GLIS3: variants seen among roughly 807,000 people sequenced by gnomAD.
The protein encoded by GLIS3 is zinc finger protein GLIS3.
A neutral mutation model predicts 78.6 loss-of-function variants in GLIS3; 53 were observed. The observed-to-expected ratio is 0.67, with a 90% CI of 0.54 to 0.85. The LOEUF is 0.85. Ranked by LOEUF, GLIS3 falls within the 40% of genes least tolerant of loss-of-function variation. The pLI, the probability that GLIS3 is intolerant of heterozygous loss-of-function variation, is 0.00. For synonymous variants in GLIS3, 684 were observed against 509.9 expected (o/e 1.34, Z -4.60); for missense variants, 1,703 against 1,231.1 (o/e 1.38, Z -5.74).
chr9:4,211,985 G>A (rs1820418828), intron 2 of GLIS3, among the ~76,000 whole-genome samples: 1 of 152,178 alleles, frequency 6.6e-6, no homozygotes. Context: ...CATAGAGACA[G>A]AAAGTAGATT....
the GLIS3 span, among the ~76,000 whole-genome samples, chr9:4,450,879 C>G: frequency 6.6e-6 from 1 of 152,276 alleles, no homozygotes; most frequent in East Asian, 1.9e-4. Context: ...CAACTGGTAC[C>G]AGACACTGCA....
intron 4 of GLIS3, among the ~76,000 whole-genome samples, chr9:4,091,574 T>C (rs554505278): frequency 2.6e-5 from 4 of 152,236 alleles, no homozygotes; most frequent in South Asian, 2.1e-4. Flanking sequence ...TGTGCAGTCA[T>C]GTGTCGCTTA....
intron 4 of GLIS3, among the ~76,000 whole-genome samples, chr9:4,088,412 T>C (rs1829224966): frequency 6.6e-6 from 1 of 152,260 alleles, no homozygotes; most frequent in Non-Finnish European, 1.5e-5. Context: ...CTCATTTGAT[T>C]AGTGCCCACT....
intron 2 of GLIS3, among the ~76,000 whole-genome samples, chr9:4,260,533 C>T (rs1825415592): frequency 1.3e-5 from 2 of 149,818 alleles, no homozygotes; most frequent in Non-Finnish European, 3.0e-5. Context: ...TGCCACTGAA[C>T]TCCAGCCTGG....
intron 4 of GLIS3, among the ~76,000 whole-genome samples, chr9:4,086,887 G>C (rs558927753): frequency 3.0e-4 from 46 of 152,288 alleles, no homozygotes; most frequent in Admixed American, 2.4e-3. Flanking sequence ...ATTCTCCACA[G>C]TCTAACTGAT....
At chr9:4,103,289 C>A (rs1013021872) in intron 4 of GLIS3, among the ~76,000 whole-genome samples, 1 of 152,150 alleles carries the variant, frequency 6.6e-6, no homozygotes, top group Non-Finnish European at 1.5e-5. Context: ...AGCACAGGAG[C>A]CTTGAACATT....
chr9:4,087,930 T>C (rs1162060165), intron 4 of GLIS3, among the ~76,000 whole-genome samples: 2 of 152,204 alleles, frequency 1.3e-5, no homozygotes, highest in Non-Finnish European at 2.9e-5. Context: ...TCTCGCATTA[T>C]GGTTAGTTAT....
At chr9:4,217,458 T>C (rs1218276564) in intron 2 of GLIS3, among the ~76,000 whole-genome samples, 2 of 152,204 alleles carry the variant, frequency 1.3e-5, no homozygotes, top group Non-Finnish European at 2.9e-5. Context: ...CAGACATTTC[T>C]AAGAGTGAAG....
At chr9:4,116,852 T>C (rs1417764564) in intron 4 of GLIS3, among the ~76,000 whole-genome samples, 2 of 152,322 alleles carry the variant, frequency 1.3e-5, no homozygotes, top group African/African-American at 2.4e-5. Flanking sequence ...ATAAAACACA[T>C]GTTCTTCTTT....
intron 6 of GLIS3, among the ~76,000 whole-genome samples, chr9:3,922,820 C>A (rs1303146179): frequency 6.6e-6 from 1 of 151,912 alleles, no homozygotes; most frequent in East Asian, 1.9e-4. Context: ...TAAAAAAGAG[C>A]CTAGAAATGT....
At chr9:4,340,922 C>G (rs553654767) in intron 2 of GLIS3, among the ~76,000 whole-genome samples, 11 of 152,308 alleles carry the variant, frequency 7.2e-5, no homozygotes, top group Non-Finnish European at 1.2e-4. Context: ...TCTCAAACAC[C>G]TGCCTCGGCC....
chr9:3,985,981 G>T (rs1336202488), intron 4 of GLIS3, among the ~76,000 whole-genome samples: 1 of 152,108 alleles, frequency 6.6e-6, no homozygotes, highest in African/African-American at 2.4e-5. Flanking sequence ...AAAAAGAAGA[G>T]AAATAAATCA....
intron 2 of GLIS3, among the ~76,000 whole-genome samples, chr9:4,327,675 C>T (rs1328423840): frequency 6.6e-6 from 1 of 152,240 alleles, no homozygotes; most frequent in East Asian, 1.9e-4. Flanking sequence ...CACCACATCA[C>T]ACAACTCCAG....
intron 8 of GLIS3, among the ~76,000 whole-genome samples, chr9:3,860,862 C>T (rs1464157615): frequency 6.6e-6 from 1 of 152,064 alleles, no homozygotes; most frequent in Non-Finnish European, 1.5e-5. Context: ...AGGGATAGAG[C>T]AACAAAAGAC....
At chr9:4,332,601 G>A (rs1015004955) in intron 2 of GLIS3, among the ~76,000 whole-genome samples, 2 of 152,208 alleles carry the variant, frequency 1.3e-5, no homozygotes, top group East Asian at 3.8e-4. Context: ...CCCACCTGGG[G>A]CTCTGGATGC....
chr9:4,314,357 T>A (rs181823224), intron 2 of GLIS3, among the ~76,000 whole-genome samples: 57 of 152,310 alleles, frequency 3.7e-4, no homozygotes, highest in African/African-American at 1.3e-3. Flanking sequence ...TGCCACCCAA[T>A]GCTCTCTGTT....
Position 3,977,084 on chromosome 9 carries a change from A to T in GLIS3, c.1711-39895T>A, listed in dbSNP as rs1818868356. The stretch of plus-strand genomic sequence containing the variant: ...ACTCTGAGGTTTATGCAGTTTGTTC[A>T]GCAGGCTCTGAACTGCATACTGCTA... On this transcript the variant is annotated intron_variant, in intron 4 of 10. Transcript: ENST00000381971. The surrounding 1 kb of genome is among the most constrained non-coding windows in gnomAD (Gnocchi z 4.1). Among the ~76,000 whole-genome samples the T allele has an allele frequency of 6.6e-6, 1 of 152,140 alleles. No homozygotes were observed. The highest frequency in any genetic ancestry group is 1.5e-5 in the Non-Finnish European group (1 of 68,032).
intron 2 of GLIS3, among the ~76,000 whole-genome samples, chr9:4,164,451 T>C (rs1835728640): frequency 6.6e-6 from 1 of 152,212 alleles, no homozygotes; most frequent in African/African-American, 2.4e-5. Flanking sequence ...TTCTTCATGT[T>C]AAAGAGGGTC....
At chr9:3,920,148 C>T (rs112393271) in intron 6 of GLIS3, among the ~76,000 whole-genome samples, 12,601 of 151,846 alleles carry the variant, frequency 0.083, 654 homozygotes, top group East Asian at 0.15. Context: ...GGACTACAGG[C>T]GCCCGCCACC....
Sources: allele counts gnomAD v4.1 joint callset (sites outside exome capture counted in the v4.1 genomes callset), GRCh38; gene constraint gnomAD v4.1.1; non-coding constraint Gnocchi (gnomAD v3.1); transcripts MANE v1.5; gene names NCBI Gene and HGNC (gene_info 2026-07-23, HGNC 2026-07-21).